Variants in ADAMTS12 observed in about 807,000 individuals in gnomAD.
ADAMTS12 encodes ADAM metallopeptidase with thrombospondin type 1 motif 12.
Under a neutral mutation model 167.8 loss-of-function variants are expected in ADAMTS12, and 118 were observed. The ratio of observed to expected loss-of-function variants is 0.70; its 90% CI spans 0.61 to 0.82. The LOEUF (loss-of-function observed/expected upper bound fraction) is 0.82, where lower values mean the gene tolerates loss of function less well. Among genes scored for constraint, ADAMTS12 ranks in the 40% least tolerant of loss-of-function variants. ADAMTS12 has a pLI of 0.00. For synonymous variants in ADAMTS12, 704 were observed against 716.9 expected (o/e 0.98, Z 0.29); for missense variants, 1,916 against 1,998.8 (o/e 0.96, Z 0.79).
intron 2 of ADAMTS12, among the ~76,000 whole-genome samples, chr5:33,790,285 T>A (rs2112455793): frequency 6.6e-6 from 1 of 152,270 alleles, no homozygotes; most frequent in East Asian, 1.9e-4. Flanking sequence ...CCGGGCGCGG[T>A]GGCTCACGCC....
chr5:33,718,055 T>G (rs2877318), intron 3 of ADAMTS12, among the ~76,000 whole-genome samples: 94,493 of 152,110 alleles, frequency 0.62, 30,421 homozygotes, highest in Non-Finnish European at 0.71. Flanking sequence ...GGTTGAATTT[T>G]CCTGGGCTGA....
chr5:33,744,714 G>A (rs1315555581), intron 3 of ADAMTS12, among the ~76,000 whole-genome samples: 4 of 152,206 alleles, frequency 2.6e-5, no homozygotes, highest in Admixed American at 6.5e-5. Flanking sequence ...ATGTGAGTTG[G>A]TTGAGGACAC....
intron 7 of ADAMTS12, among the ~76,000 whole-genome samples, chr5:33,654,871 A>ATTTT (rs750362713): frequency 2.2e-3 from 163 of 74,528 alleles, no homozygotes; most frequent in African/African-American, 5.2e-3. Context: ...TATGTGGGTG[A>ATTTT]TTTTGTGTGT....
chr5:33,627,874 G>C (rs1436910493), intron 13 of ADAMTS12, among the ~76,000 whole-genome samples: 1 of 152,176 alleles, frequency 6.6e-6, no homozygotes, highest in Non-Finnish European at 1.5e-5. Flanking sequence ...GAGTGAGGAA[G>C]CTAACTTGGG....
intron 2 of ADAMTS12, among the ~76,000 whole-genome samples, chr5:33,792,487 T>G (rs1374351404): frequency 6.6e-6 from 1 of 152,222 alleles, no homozygotes; most frequent in African/African-American, 2.4e-5. Flanking sequence ...TGATAATATC[T>G]CTACAGTTTA....
chr5:33,690,928 A>T (rs1414915192), intron 3 of ADAMTS12, among the ~76,000 whole-genome samples: 1 of 152,172 alleles, frequency 6.6e-6, no homozygotes, highest in Non-Finnish European at 1.5e-5. Flanking sequence ...GGCAGAAGTA[A>T]AATAACAAAA....
At chr5:33,572,414 T>G (rs1236870334) in intron 19 of ADAMTS12, among the ~76,000 whole-genome samples, 1 of 151,900 alleles carries the variant, frequency 6.6e-6, no homozygotes, top group Non-Finnish European at 1.5e-5. Flanking sequence ...TCAAGTGGGC[T>G]TCATCCCTGG....
rs3037113 is a variant in ADAMTS12, at chr5:33,798,434, CTTTTTTTT to C, written c.490-46894_490-46887del. ...TGTTCCTGATGTCTCTTCTTTGTAT[CTTTTTTTT>C]TTTTTTTTTTTTTTTTGAGATGGAG... On this transcript the variant is annotated intron_variant, in intron 2 of 23. Coordinates refer to ENST00000504830, the MANE Select transcript of ADAMTS12 (RefSeq NM_030955.4). 1.2e-3 allele frequency among the ~76,000 whole-genome samples: 86 copies of C among 69,280 alleles called. 1 individual carries two copies. Among genetic ancestry groups the C allele is most frequent in the Non-Finnish European group, 1.8e-3 (70 of 39,138 alleles). The allele number at this position is 69,280 out of a possible 152,430, so 45.5% of individuals were successfully genotyped here.
At chr5:33,557,969 G>C (rs1436977077) in intron 20 of ADAMTS12, among the ~76,000 whole-genome samples, 1 of 151,918 alleles carries the variant, frequency 6.6e-6, no homozygotes, top group Non-Finnish European at 1.5e-5. Flanking sequence ...AGTGCCTGAT[G>C]ATCTGTCACT....
intron 2 of ADAMTS12, among the ~76,000 whole-genome samples, chr5:33,849,584 C>A: frequency 1.2e-5 from 1 of 84,936 alleles, no homozygotes; most frequent in Non-Finnish European, 2.7e-5. Context: ...TATTGCATAG[C>A]AATACACATA....
intron 2 of ADAMTS12, among the ~76,000 whole-genome samples, chr5:33,849,988 A>C (rs1334513370): frequency 6.6e-6 from 1 of 152,022 alleles, no homozygotes; most frequent in African/African-American, 2.4e-5. Flanking sequence ...TTATAGTGTA[A>C]ATCCTTTTTA....
At chr5:33,623,183 T>C (rs772058815) in intron 14 of ADAMTS12, among the ~76,000 whole-genome samples, 6 of 152,306 alleles carry the variant, frequency 3.9e-5, no homozygotes, top group Admixed American at 2.6e-4. Flanking sequence ...AAAACAGGGC[T>C]TTACCATCTC....
At chr5:33,602,963 G>A (rs1738261767) in intron 16 of ADAMTS12, among the ~76,000 whole-genome samples, 1 of 152,120 alleles carries the variant, frequency 6.6e-6, no homozygotes, top group Admixed American at 6.6e-5. Context: ...TTGAACAAAG[G>A]GAGAATGACT....
rs766859897 is a variant in ADAMTS12, at chr5:33,576,195, T to C, written c.3831A>G (p.Gln1277=). Residue 1277 remains glutamine, a synonymous_variant, in exon 19 of 24, where the codon CAA becomes CAG. Coordinates refer to ENST00000504830, the MANE Select transcript of ADAMTS12 (RefSeq NM_030955.4). ...TCAGGACTGGTTCAGAACTTTTTGT[T>C]TGGTTCATGTTGTTTGGAAGTTTCA... ...NHLKLPNNMN[Q]TKSSEPVLTE... The C allele has an allele frequency of 1.5e-5, 24 of 1,614,042 alleles. No homozygotes were observed. The highest frequency in any genetic ancestry group is 2.0e-5 in the Non-Finnish European group (24 of 1,180,028).
chr5:33,869,837 G>A (rs1749968685), intron 2 of ADAMTS12, among the ~76,000 whole-genome samples: 1 of 152,134 alleles, frequency 6.6e-6, no homozygotes, highest in Non-Finnish European at 1.5e-5. Flanking sequence ...AATTTACTAG[G>A]CAGGAATTTC....
intron 20 of ADAMTS12, among the ~76,000 whole-genome samples, chr5:33,554,100 G>A (rs1745382804): frequency 6.6e-6 from 1 of 152,194 alleles, no homozygotes; most frequent in Admixed American, 6.5e-5. Context: ...ACACAAAGGA[G>A]GAGACAGTCA....
intron 2 of ADAMTS12, among the ~76,000 whole-genome samples, chr5:33,756,215 T>G (rs529927196): frequency 6.6e-6 from 1 of 152,368 alleles, no homozygotes; most frequent in Admixed American, 6.5e-5. Context: ...GGCAAACCCA[T>G]GGCCTCTGGT....
chr5:33,790,215 T>C (rs1246872337), intron 2 of ADAMTS12, among the ~76,000 whole-genome samples: 2 of 152,224 alleles, frequency 1.3e-5, no homozygotes, highest in Non-Finnish European at 2.9e-5. Context: ...TCCCTTTTTT[T>C]CCTGCCATTG....
intron 14 of ADAMTS12, among the ~76,000 whole-genome samples, chr5:33,623,421 C>G (rs1328285396): frequency 6.6e-6 from 1 of 152,200 alleles, no homozygotes; most frequent in Non-Finnish European, 1.5e-5. Flanking sequence ...CGGGGAAACT[C>G]AGAGGTGCAA....
Sources: allele counts gnomAD v4.1 joint callset (sites outside exome capture counted in the v4.1 genomes callset), GRCh38; gene constraint gnomAD v4.1.1; transcripts MANE v1.5; gene names NCBI Gene and HGNC (gene_info 2026-07-23, HGNC 2026-07-21).